NRG3: variants seen among roughly 807,000 people sequenced by gnomAD.
The protein encoded by NRG3 is pro-neuregulin-3, membrane-bound isoform.
A neutral mutation model predicts 66.9 loss-of-function variants in NRG3; 31 were observed. That is an observed-to-expected ratio of 0.46 (90% confidence interval 0.35 to 0.63). NRG3 has a LOEUF of 0.63. Among genes scored for constraint, NRG3 ranks in the 20% least tolerant of loss-of-function variants. The pLI is 0.00. For missense variants in NRG3, 910 were observed against 878.9 expected (o/e 1.04, Z -0.45); for synonymous variants, 393 against 359.4 (o/e 1.09, Z -1.06).
At chr10:81,931,624 C>A (rs970638259) in intron 1 of NRG3, among the ~76,000 whole-genome samples, 1 of 152,144 alleles carries the variant, frequency 6.6e-6, no homozygotes, top group Non-Finnish European at 1.5e-5. Flanking sequence ...TATCACCTGA[C>A]GGTGCCTATT....
intron 2 of NRG3, among the ~76,000 whole-genome samples, chr10:82,617,875 C>T (rs931655104): frequency 6.6e-6 from 1 of 152,112 alleles, no homozygotes; most frequent in Non-Finnish European, 1.5e-5. Context: ...TGTGAAGATT[C>T]CTTAATTCTG....
At chr10:81,952,830 A>T (rs1849502850) in intron 1 of NRG3, among the ~76,000 whole-genome samples, 1 of 151,998 alleles carries the variant, frequency 6.6e-6, no homozygotes, top group African/African-American at 2.4e-5. Context: ...AGGGTGGTCT[A>T]AAACTCCTGG....
intron 1 of NRG3, among the ~76,000 whole-genome samples, chr10:82,067,221 T>A (rs1164828847): frequency 6.6e-6 from 1 of 152,222 alleles, no homozygotes; most frequent in African/African-American, 2.4e-5. Flanking sequence ...ATCCTTGAAG[T>A]CATCAACTAT....
At chr10:81,997,632 G>C (rs2060991726) in intron 1 of NRG3, among the ~76,000 whole-genome samples, 1 of 151,946 alleles carries the variant, frequency 6.6e-6, no homozygotes, top group Non-Finnish European at 1.5e-5. Flanking sequence ...TGTGAAATAG[G>C]GGTGATAATA....
At chr10:82,729,209 C>T (rs971654651) in intron 2 of NRG3, among the ~76,000 whole-genome samples, 2 of 152,130 alleles carry the variant, frequency 1.3e-5, no homozygotes, top group Non-Finnish European at 2.9e-5. Flanking sequence ...ACATTTTTCA[C>T]AATAGATCTT....
intron 1 of NRG3, among the ~76,000 whole-genome samples, chr10:82,186,798 C>CA (rs1199977646): frequency 2.6e-5 from 4 of 152,190 alleles, no homozygotes; most frequent in African/African-American, 4.8e-5. Context: ...TCTGGACATT[C>CA]AAATCCCTTT....
Position 82,931,027 on chromosome 10 carries a change from G to A in NRG3, c.1055-20442G>A, listed in dbSNP as rs767487765. 3.3e-5 allele frequency among the ~76,000 whole-genome samples: 5 copies of A among 152,252 alleles called. 1 individual carries two copies. The highest frequency in any genetic ancestry group is 6.8e-3 in the Middle Eastern group (2 of 294). On this transcript the variant is annotated intron_variant, in intron 4 of 8. Transcript: ENST00000372141. ...GAGCCTGGAGCAGAGTATAGGAGGC[G>A]ATGGCAAAAAGAAAGACTCACAGGT...
At chr10:82,713,292 T>C (rs2056786986) in intron 2 of NRG3, among the ~76,000 whole-genome samples, 1 of 152,170 alleles carries the variant, frequency 6.6e-6, no homozygotes, top group Admixed American at 6.5e-5. Context: ...AAGGATCATC[T>C]GACTTTTAAG....
At chr10:82,648,147 T>A (rs1299452887) in intron 2 of NRG3, among the ~76,000 whole-genome samples, 1 of 152,088 alleles carries the variant, frequency 6.6e-6, no homozygotes, top group African/African-American at 2.4e-5. Context: ...GGTCTAACGT[T>A]TAAGTCTTTA....
At chr10:82,796,393 G>A (rs2060802953) in intron 3 of NRG3, among the ~76,000 whole-genome samples, 2 of 152,120 alleles carry the variant, frequency 1.3e-5, no homozygotes, top group Non-Finnish European at 2.9e-5. Context: ...CCATTTCATG[G>A]GAGAGAACGA....
intron 1 of NRG3, among the ~76,000 whole-genome samples, chr10:81,957,176 G>A (rs1342196329): frequency 1.3e-5 from 2 of 152,148 alleles, no homozygotes; most frequent in African/African-American, 2.4e-5. Flanking sequence ...AGGCAGCCTA[G>A]GTCCCTGAAT....
intron 1 of NRG3, among the ~76,000 whole-genome samples, chr10:82,054,593 G>A (rs2063746030): frequency 6.6e-6 from 1 of 152,136 alleles, no homozygotes; most frequent in South Asian, 2.1e-4. Flanking sequence ...TTGGCATGGG[G>A]AATGGAGGAA....
At chr10:82,521,998 T>C (rs1846233772) in intron 2 of NRG3, among the ~76,000 whole-genome samples, 1 of 151,974 alleles carries the variant, frequency 6.6e-6, no homozygotes, top group Admixed American at 6.6e-5. Context: ...CTAGTTTTGT[T>C]GCAGTTTCCA....
At chr10:82,021,783 AGTATGT>A (rs1202539002) in intron 1 of NRG3, among the ~76,000 whole-genome samples, 1,599 of 146,522 alleles carry the variant, frequency 0.011, 51 homozygotes, top group East Asian at 0.096. Context: ...TTGGGCATGT[AGTATGT>A]GTGTGTGTGT....
chr10:82,726,704 AC>A lies in NRG3; in HGVS notation c.954-11870del, dbSNP rs372087183. On this transcript the variant is annotated intron_variant, in intron 2 of 8. Transcript: ENST00000372141. ...TTAAATTTGTTACCAGTAGAGCGGG[AC>A]CCTGCTGAAAAGATAACTGAAAATT... Among the ~76,000 whole-genome samples the A allele has an allele frequency of 5.2e-3, 798 of 152,240 alleles. 8 individuals are homozygous for A. The highest frequency in any genetic ancestry group is 0.018 in the African/African-American group (758 of 41,534).
At chr10:82,617,053 T>C (rs1236227251) in intron 2 of NRG3, among the ~76,000 whole-genome samples, 4 of 152,146 alleles carry the variant, frequency 2.6e-5, no homozygotes, top group Non-Finnish European at 5.9e-5. Flanking sequence ...TTTTTCTGAG[T>C]GCATTGGTTG....
intron 4 of NRG3, among the ~76,000 whole-genome samples, chr10:82,886,641 T>G (rs1345306132): frequency 6.6e-6 from 1 of 152,218 alleles, no homozygotes; most frequent in East Asian, 1.9e-4. Flanking sequence ...ACACTGTGGC[T>G]GAACGGACCT....
chr10:82,496,698 T>A (rs766081419), intron 2 of NRG3, among the ~76,000 whole-genome samples: 6 of 152,160 alleles, frequency 3.9e-5, no homozygotes, highest in Non-Finnish European at 8.8e-5. Flanking sequence ...ATATCAAAGT[T>A]TACTAAACTT....
rs894837759 is a variant in NRG3 at position 82,825,508 on chromosome 10, G to A, written c.1028-39903G>A. Among the ~76,000 whole-genome samples the A allele has an allele frequency of 9.2e-5, 14 of 152,184 alleles. No homozygotes were observed. In the East Asian group the frequency reaches 1.5e-3, roughly 17 times the overall value. On this transcript the variant is annotated intron_variant, in intron 3 of 8. Transcript: ENST00000372141. ...ACAATATGGTAATTGAGGAAGTGGTGGAAACTCTAAGCACAGCTGTCCAGG... is the reference window on the plus strand; with the variant it reads ...ACAATATGGTAATTGAGGAAGTGGTAGAAACTCTAAGCACAGCTGTCCAGG...
Sources: allele counts gnomAD v4.1 joint callset (sites outside exome capture counted in the v4.1 genomes callset), GRCh38; gene constraint gnomAD v4.1.1; transcripts MANE v1.5; gene names NCBI Gene and HGNC (gene_info 2026-07-23, HGNC 2026-07-21).